The following FGGY variants were observed in gnomAD, a reference collection of about 807,000 sequenced individuals.
FGGY encodes FGGY carbohydrate kinase domain-containing protein.
In FGGY, 72 loss-of-function variants were observed where a neutral mutation model predicts 71.3. The observed-to-expected ratio is 1.01, with a 90% confidence interval of 0.84 to 1.23. The LOEUF (loss-of-function observed/expected upper bound fraction) is 1.23, where lower values mean the gene tolerates loss of function less well. Ranked by LOEUF, FGGY falls within the 50% of genes most tolerant of loss-of-function variation. FGGY has a pLI of 0.00. For synonymous variants in FGGY, 251 were observed against 250.3 expected (o/e 1.00, Z -0.02); for missense variants, 668 against 682.3 (o/e 0.98, Z 0.23).
chr1:59,716,733 G>A (rs140650111), intron 14 of FGGY, among the ~76,000 whole-genome samples: 49 of 152,278 alleles, frequency 3.2e-4, no homozygotes, highest in African/African-American at 1.1e-3. Context: ...ACAGGGGAGG[G>A]GAGGGCTCTC....
intron 6 of FGGY, among the ~76,000 whole-genome samples, chr1:59,492,292 G>A (rs1002969809): frequency 6.6e-6 from 1 of 152,092 alleles, no homozygotes; most frequent in Non-Finnish European, 1.5e-5. Flanking sequence ...CTCTTCAGAT[G>A]ATAAGGTGAT....
At chr1:59,645,308 T>C (rs958399840) in intron 11 of FGGY, among the ~76,000 whole-genome samples, 1 of 152,156 alleles carries the variant, frequency 6.6e-6, no homozygotes, top group African/African-American at 2.4e-5. Flanking sequence ...TGCCCTTGAA[T>C]TGGCAGCTCC....
In FGGY at chr1:59,356,898, T is replaced by C. The variant is rs2153228071; in HGVS notation, c.465+10500T>C. 2.6e-5 allele frequency among the ~76,000 whole-genome samples: 4 copies of C among 152,310 alleles called. No individual in the cohort carries two copies. In the Middle Eastern group the frequency reaches 0.01, roughly 391 times the overall value. On this transcript the variant is annotated intron_variant, in intron 4 of 15. Transcript: ENST00000303721. ...CTCCTCTGGGCCTCTCCACTGTGTC[T>C]TTGGACTCCTGTGATGGATACCACT... is the stretch of plus-strand genomic sequence containing the variant.
chr1:59,424,630 A>G (rs1230161288), intron 5 of FGGY, among the ~76,000 whole-genome samples: 1 of 152,192 alleles, frequency 6.6e-6, no homozygotes, highest in Non-Finnish European at 1.5e-5. Context: ...GGTGCTGGTA[A>G]TACTTTATTT....
At chr1:59,674,160 T>C (rs1407385576) in intron 14 of FGGY, 27 bp downstream of exon 14, 1 of 1,573,718 alleles carries the variant, frequency 6.4e-7, no homozygotes, top group Non-Finnish European at 8.7e-7. Context: ...GGGTGGGCTG[T>C]GGCTCCTCCC....
At chr1:59,482,548 A>G (rs1387410436) in intron 6 of FGGY, among the ~76,000 whole-genome samples, 1 of 150,064 alleles carries the variant, frequency 6.7e-6, no homozygotes, top group African/African-American at 2.5e-5. Flanking sequence ...AGATTTATAT[A>G]TGTGTGTCTA....
At chr1:59,577,512 G>C (rs143104076) in intron 8 of FGGY, among the ~76,000 whole-genome samples, 1 of 151,906 alleles carries the variant, frequency 6.6e-6, no homozygotes, top group East Asian at 1.9e-4. Context: ...TACTTGGAGA[G>C]AGGGGTTGGG....
chr1:59,414,423 A>G (rs914101818), intron 5 of FGGY, among the ~76,000 whole-genome samples: 3 of 152,200 alleles, frequency 2.0e-5, no homozygotes, highest in African/African-American at 4.8e-5. Flanking sequence ...TCATCTTCAC[A>G]TAAGGATAGC....
chr1:59,410,422 C>G (rs537682722), intron 5 of FGGY, among the ~76,000 whole-genome samples: 3 of 152,270 alleles, frequency 2.0e-5, no homozygotes, highest in South Asian at 4.1e-4. Context: ...CATCACACTA[C>G]TAGTAAGTGG....
intron 7 of FGGY, among the ~76,000 whole-genome samples, chr1:59,536,551 CT>C: frequency 6.6e-6 from 1 of 152,270 alleles, no homozygotes; most frequent in Non-Finnish European, 1.5e-5. Context: ...GACCAATATC[CT>C]TGATGAACAC....
intron 6 of FGGY, among the ~76,000 whole-genome samples, chr1:59,508,469 T>A (rs2094445994): frequency 6.6e-6 from 1 of 152,222 alleles, no homozygotes. Context: ...CTGTGAATAA[T>A]TTAATTTTAT....
chr1:59,481,093 T>C (rs1056692916), intron 6 of FGGY, among the ~76,000 whole-genome samples: 10 of 152,206 alleles, frequency 6.6e-5, no homozygotes, highest in African/African-American at 2.4e-4. Flanking sequence ...TGGGAGTCCA[T>C]CTGAAGACTT....
intron 7 of FGGY, 138 bp downstream of exon 7, chr1:59,512,577 T>C (rs2153631687): frequency 1.3e-6 from 1 of 775,232 alleles, no homozygotes; most frequent in Non-Finnish European, 1.8e-6. Context: ...AAAAGCCTTT[T>C]TACAGCTAGG....
chr1:59,501,024 G>T (rs1468604626), intron 6 of FGGY, among the ~76,000 whole-genome samples: 1 of 152,198 alleles, frequency 6.6e-6, no homozygotes, highest in Admixed American at 6.5e-5. Context: ...ATTTGGCATT[G>T]TATAGTTAAC....
chr1:59,465,596 A>G (rs576920282), intron 6 of FGGY, among the ~76,000 whole-genome samples: 1 of 152,336 alleles, frequency 6.6e-6, no homozygotes, highest in Admixed American at 6.5e-5. Context: ...ATGATTGTAT[A>G]TTTAGAAAAC....
intron 2 of FGGY, among the ~76,000 whole-genome samples, chr1:59,331,475 C>T (rs1254498237): frequency 6.6e-6 from 1 of 152,068 alleles, no homozygotes; most frequent in African/African-American, 2.4e-5. Flanking sequence ...CTCGCTGTTC[C>T]CCTGCCTGGA....
At chr1:59,377,176 C>T (rs1267148566) in intron 4 of FGGY, among the ~76,000 whole-genome samples, 1 of 152,042 alleles carries the variant, frequency 6.6e-6, no homozygotes, top group African/African-American at 2.4e-5. Context: ...TCATGGTGAA[C>T]ATGACTGACA....
At position 59,607,852 on chromosome 1, in the gene FGGY, C is replaced by T. The variant is rs1330964077; in HGVS notation, c.953C>T (p.Ser318Leu). 6.2e-7 allele frequency: 1 copy of T among 1,613,980 alleles called. No homozygotes were observed. The highest frequency in any genetic ancestry group is 1.7e-5 in the Admixed American group (1 of 59,992). ...FVPGVWGPYFSAMVPGFWLNE... is the reference protein window; with the variant it reads ...FVPGVWGPYFLAMVPGFWLNE... ...CCAGGCGTCTGGGGGCCTTATTTCT[C>T]AGCCATGGTACCTGGGTTCTGGCTG... is the stretch of plus-strand genomic sequence containing the variant. The change falls in exon 9 of 16, where the codon TCA becomes TTA. Residue 318 changes from serine (S) to leucine (L), a missense_variant. By Grantham distance (145) the Ser-to-Leu change is moderately radical. Transcript: ENST00000303721.
intron 7 of FGGY, among the ~76,000 whole-genome samples, chr1:59,547,393 T>C (rs2095543004): frequency 6.6e-6 from 1 of 152,204 alleles, no homozygotes; most frequent in Non-Finnish European, 1.5e-5. Context: ...GGAGTTCTTG[T>C]AAGTAGTTGA....
Sources: gnomAD v4.1 joint callset for allele counts (sites outside exome capture counted in the v4.1 genomes callset) on GRCh38, gnomAD v4.1.1 for gene constraint, MANE v1.5 for transcripts, NCBI Gene and HGNC (gene_info 2026-07-23, HGNC 2026-07-21) for gene names.